Variants in RELCH observed in about 807,000 individuals in gnomAD.
RELCH encodes the protein RAB11-binding protein RELCH.
Under a neutral mutation model 150.3 loss-of-function variants are expected in RELCH, and 41 were observed. The observed-to-expected ratio is 0.27, with a 90% CI of 0.21 to 0.35. The LOEUF (loss-of-function observed/expected upper bound fraction) is 0.35, where lower values mean the gene tolerates loss of function less well. Ranked by LOEUF, RELCH falls within the 10% of genes least tolerant of loss-of-function variation. The pLI is 1.00. For synonymous variants in RELCH, 478 were observed against 531.8 expected (o/e 0.90, Z 1.39); for missense variants, 1,092 against 1,467.8 (o/e 0.74, Z 4.18).
chr18:62,290,559 CACTT>C (rs1568441176), intron 26 of RELCH, among the ~76,000 whole-genome samples: 1 of 152,138 alleles, frequency 6.6e-6, no homozygotes, highest in African/African-American at 2.4e-5. Flanking sequence ...TAAGGGAACT[CACTT>C]ACTGGCTTTT....
rs189479346 is a variant in RELCH at position 62,280,505 on chromosome 18, C to T, written c.3051-141C>T. ...TGTCTTTTTGAGCATTCTTCTTGGT[C>T]TGCTTTTTTTAAATTTATTTAATTT... On this transcript the variant is annotated intron_variant, in intron 23 of 28. Coordinates refer to ENST00000644646, the MANE Select transcript of RELCH (RefSeq NM_001346231.2). 207 of 1,494,002 alleles carry T rather than the reference C, an allele frequency of 1.4e-4. 9 individuals are homozygous for T. The South Asian group carries it at 1.4e-3, about 10-fold the overall frequency. 92.5% of individuals were successfully genotyped at this position (1,494,002 alleles called of 1,614,324 possible).
chr18:62,258,809 T>G (rs777177304), intron 15 of RELCH, 133 bp downstream of exon 15: 48 of 554,154 alleles, frequency 8.7e-5, no homozygotes, highest in Non-Finnish European at 1.3e-4. Flanking sequence ...CAGTTAAAGA[T>G]GCTGTTGGAC....
At chr18:62,254,371 C>G (rs1260337583) in intron 12 of RELCH, among the ~76,000 whole-genome samples, 1 of 151,904 alleles carries the variant, frequency 6.6e-6, no homozygotes, top group East Asian at 1.9e-4. Flanking sequence ...TGTAAATAGA[C>G]TTTTTTCTTA....
chr18:62,282,187 GGAC>G, intron 24 of RELCH, 116 bp from the exon 25 acceptor site: 1 of 699,418 alleles, frequency 1.4e-6, no homozygotes, highest in South Asian at 1.9e-5. Context: ...TACTGTCATT[GGAC>G]TATAGGTTGC....
intron 13 of RELCH, among the ~76,000 whole-genome samples, chr18:62,256,384 G>C (rs2042992850): frequency 6.6e-6 from 1 of 151,922 alleles, no homozygotes; most frequent in Non-Finnish European, 1.5e-5. Context: ...CCAGGAACTA[G>C]GCACGGTGAA....
At chr18:62,237,618 G>A (rs2073618164) in intron 10 of RELCH, among the ~76,000 whole-genome samples, 1 of 151,570 alleles carries the variant, frequency 6.6e-6, no homozygotes. Context: ...CAGTAAAAAA[G>A]ATGTTTTACA....
intron 11 of RELCH, among the ~76,000 whole-genome samples, chr18:62,251,918 C>A (rs1429882966): frequency 6.6e-6 from 1 of 152,140 alleles, no homozygotes; most frequent in Non-Finnish European, 1.5e-5. Context: ...GGTGTTGTCA[C>A]TGCTGGAGTG....
intron 1 of RELCH, among the ~76,000 whole-genome samples, chr18:62,193,317 A>G (rs998105367): frequency 6.6e-6 from 1 of 152,224 alleles, no homozygotes; most frequent in African/African-American, 2.4e-5. Context: ...ATCTGCAAAG[A>G]CAATTTAACT....
rs762855597 is a variant in RELCH, at chr18:62,227,661, T to C, written c.1126T>C (p.Leu376=). ...TTTGTTAAATAGTGAGAAATGGTCA[T>C]TGATGGAGCAAATCAGAAGACTTAA... The part of the protein sequence containing the change: ...ISLLNSEKWS[L]MEQIRRLKSE... The change falls in exon 7 of 29, where the codon TTG becomes CTG. Residue 376 remains leucine, a synonymous_variant. Coordinates refer to ENST00000644646, the MANE Select transcript of RELCH (RefSeq NM_001346231.2). The C allele has an allele frequency of 1.3e-6, 2 of 1,555,178 alleles. No homozygotes were observed. Among genetic ancestry groups the C allele is most frequent in the Non-Finnish European group, 1.8e-6 (2 of 1,131,774 alleles).
intron 1 of RELCH, among the ~76,000 whole-genome samples, chr18:62,209,675 G>A (rs921131938): frequency 6.8e-6 from 1 of 146,398 alleles, no homozygotes; most frequent in Admixed American, 6.8e-5. Flanking sequence ...CTAGAATTTT[G>A]ATAGGAATTG....
chr18:62,286,254 C>CT (rs2044785748), intron 25 of RELCH, among the ~76,000 whole-genome samples: 1 of 152,072 alleles, frequency 6.6e-6, no homozygotes, highest in Non-Finnish European at 1.5e-5. Flanking sequence ...TTGTTGAGGC[C>CT]TCAGCGTGCC....
intron 5 of RELCH, 62 bp downstream of exon 5, chr18:62,221,559 T>C: frequency 1.4e-6 from 1 of 729,724 alleles, no homozygotes; most frequent in Admixed American, 3.1e-5. Context: ...CTTTTTCTTT[T>C]ACGTAGTTTC....
chr18:62,285,052 A>T (rs1275334159), intron 25 of RELCH, among the ~76,000 whole-genome samples: 1 of 152,080 alleles, frequency 6.6e-6, no homozygotes, highest in Non-Finnish European at 1.5e-5. Context: ...CAAAAATAGG[A>T]CAAGATTCCC....
chr18:62,303,248 G>C (rs1033547914), intron 28 of RELCH, among the ~76,000 whole-genome samples: 39 of 152,190 alleles, frequency 2.6e-4, no homozygotes, highest in African/African-American at 7.7e-4. Context: ...ACTGGATTAG[G>C]CCTAGGGATC....
At position 62,263,843 on chromosome 18, in the gene RELCH, T is replaced by C. The variant is rs142652422; in HGVS notation, c.2351-146T>C. 162 of 544,620 alleles carry C rather than the reference T, an allele frequency of 3.0e-4. 2 individuals are homozygous for C. In the African/African-American group the frequency reaches 3.0e-3, roughly 10 times the overall value. The allele number at this position is 544,620 out of a possible 1,614,324, so 33.7% of individuals were successfully genotyped here. A position where few individuals can be genotyped will look rare whatever the true frequency, so the allele number is the denominator to read the frequency against. On this transcript the variant is annotated intron_variant, in intron 16 of 28. Coordinates refer to ENST00000644646, the MANE Select transcript of RELCH (RefSeq NM_001346231.2). Reference sequence around the variant, plus strand: ...TTGATTTTCCTAAAAATGACTTAATTAGTGTATTTCAATTTTATATTTAAA... The same window carrying C: ...TTGATTTTCCTAAAAATGACTTAATCAGTGTATTTCAATTTTATATTTAAA...
chr18:62,271,874 G>C (rs1023138608), intron 20 of RELCH, among the ~76,000 whole-genome samples: 9 of 152,040 alleles, frequency 5.9e-5, no homozygotes, highest in African/African-American at 2.2e-4. Context: ...TTTTTGTCAG[G>C]TTTGTCAAAG....
chr18:62,258,927 C>T (rs115723066), intron 15 of RELCH, among the ~76,000 whole-genome samples: 1,753 of 152,054 alleles, frequency 0.012, 26 homozygotes, highest in African/African-American at 0.04. Flanking sequence ...GGAAGTAACT[C>T]CTACATTATT....
intron 27 of RELCH, among the ~76,000 whole-genome samples, chr18:62,298,007 T>A (rs1000095966): frequency 1.3e-5 from 2 of 152,206 alleles, no homozygotes; most frequent in Non-Finnish European, 2.9e-5. Context: ...ATACACTACA[T>A]AATTTACCTG....
intron 1 of RELCH, among the ~76,000 whole-genome samples, chr18:62,205,573 AGTC>A (rs901912071): frequency 2.6e-5 from 4 of 152,266 alleles, no homozygotes; most frequent in African/African-American, 9.6e-5. Context: ...GCTAAGTAGT[AGTC>A]CTGAGTTCAG....
Sources: allele counts gnomAD v4.1 joint callset (sites outside exome capture counted in the v4.1 genomes callset), GRCh38; gene constraint gnomAD v4.1.1; transcripts MANE v1.5; gene names NCBI Gene and HGNC (gene_info 2026-07-23, HGNC 2026-07-21).